DENND1B: variants seen among roughly 807,000 people sequenced by gnomAD.
DENND1B encodes the protein DENN domain containing 1B.
DENND1B carries 59 observed loss-of-function variants against 90.1 expected under a neutral mutation model. The ratio of observed to expected loss-of-function variants is 0.65; its 90% CI spans 0.53 to 0.81. The LOEUF (loss-of-function observed/expected upper bound fraction) is 0.81. DENND1B is among the 40% of genes least tolerant of loss of function. The pLI is 0.00. For missense variants in DENND1B, 862 were observed against 912.6 expected (o/e 0.94, Z 0.71); for synonymous variants, 337 against 324.6 (o/e 1.04, Z -0.41).
rs1030884759 is a variant in DENND1B, at chr1:197,670,023, G to C, written c.296+2014C>G. Among the ~76,000 whole-genome samples, 5 of 152,110 alleles carry C rather than the reference G, an allele frequency of 3.3e-5. No homozygotes were observed. In the South Asian group the frequency reaches 1.0e-3, roughly 32 times the overall value. Reference sequence around the variant, plus strand: ...CGCAGATAAAAATAATTTGATTATTGTATTTGCTTTAGAGTTTGTTTTCTA... The same window carrying C: ...CGCAGATAAAAATAATTTGATTATTCTATTTGCTTTAGAGTTTGTTTTCTA... On this transcript the variant is annotated intron_variant, in intron 5 of 22. Coordinates refer to ENST00000620048, the MANE Select transcript of DENND1B (RefSeq NM_001195215.2).
chr1:197,611,017 G>A (rs565673768), intron 12 of DENND1B, among the ~76,000 whole-genome samples: 1 of 150,812 alleles, frequency 6.6e-6, no homozygotes, highest in Non-Finnish European at 1.5e-5. Flanking sequence ...TGATCCTCAG[G>A]AGTTTTAAAA....
upstream of DENND1B, among the ~76,000 whole-genome samples, chr1:197,780,575 C>T (rs1264526970): frequency 1.3e-5 from 2 of 152,030 alleles, no homozygotes; most frequent in South Asian, 2.1e-4. Context: ...CCACCCACCT[C>T]GGCCTCCCAA....
intron 3 of DENND1B, 27 bp downstream of exon 3, chr1:197,715,004 T>A (rs1247708980): frequency 6.3e-7 from 1 of 1,581,964 alleles, no homozygotes; most frequent in South Asian, 1.1e-5. Context: ...CAACTTTAAA[T>A]TTTTTAAAAA....
intron 7 of DENND1B, among the ~76,000 whole-genome samples, chr1:197,648,472 CT>C (rs1267082322): frequency 6.6e-6 from 1 of 152,070 alleles, no homozygotes; most frequent in Non-Finnish European, 1.5e-5. Flanking sequence ...TTATTTACCC[CT>C]GAGCAAATAT....
At position 197,735,875 on chromosome 1, in the gene DENND1B, G is replaced by A. The variant is rs1662627165; in HGVS notation, c.83-20801C>T. On this transcript the variant is annotated intron_variant, in intron 2 of 22. Coordinates refer to ENST00000620048, the MANE Select transcript of DENND1B (RefSeq NM_001195215.2). Reference sequence around the variant, plus strand: ...CTTGCCGAGCAGTCAAATTGCAGGGGGCTATTACAGGTGCCTCTCCTGCTG... The same window carrying A: ...CTTGCCGAGCAGTCAAATTGCAGGGAGCTATTACAGGTGCCTCTCCTGCTG... 1.9e-6 allele frequency: 3 copies of A among 1,553,388 alleles called. No homozygotes were observed. In the East Asian group the frequency reaches 6.7e-5, roughly 35 times the overall value.
intron 10 of DENND1B, among the ~76,000 whole-genome samples, chr1:197,628,372 C>G (rs1678987391): frequency 6.6e-6 from 1 of 152,044 alleles, no homozygotes; most frequent in South Asian, 2.1e-4. Context: ...AATAACGCCG[C>G]ATAACTACAA....
chr1:197,649,022 G>A (rs558713052), intron 7 of DENND1B, among the ~76,000 whole-genome samples: 2 of 152,260 alleles, frequency 1.3e-5, no homozygotes, highest in South Asian at 4.1e-4. Context: ...AGCAGAGAGG[G>A]TCACAGGAAA....
In DENND1B at chr1:197,595,276, C is replaced by G. The variant is rs752996042; in HGVS notation, c.979G>C (p.Ala327Pro). 51 of 1,613,300 alleles carry G rather than the reference C, an allele frequency of 3.2e-5. No individual in the cohort carries two copies. The highest frequency in any genetic ancestry group is 4.0e-5 in the Non-Finnish European group (47 of 1,179,476). Residue 327 changes from alanine (A) to proline (P), a missense_variant, in exon 14 of 23, where the codon GCT (alanine) becomes CCT (proline). Coordinates refer to ENST00000620048, the MANE Select transcript of DENND1B (RefSeq NM_001195215.2). ...KQSTATGDGV[A>P]RAFLRAQAAL... is the part of the protein sequence containing the mutation. ...GCCTGTGCTCTAAGAAAGGCCCTAG[C>G]TACTCCATCACCCGTAGCTGTAGAC...
At chr1:197,642,655 G>A in intron 10 of DENND1B, 56 bp downstream of exon 10, 2 of 1,264,370 alleles carry the variant, frequency 1.6e-6, no homozygotes, top group South Asian at 1.3e-5. Flanking sequence ...AAGGTTTTTA[G>A]GTCTTTTTGT....
chr1:197,746,670 C>T (rs1347587823), intron 2 of DENND1B: 33 of 733,598 alleles, frequency 4.5e-5, no homozygotes, highest in Non-Finnish European at 7.8e-5. Flanking sequence ...AATTTTCTGA[C>T]ATATTTAACA....
chr1:197,756,705 A>G (rs1654349107), intron 2 of DENND1B, among the ~76,000 whole-genome samples: 1 of 151,806 alleles, frequency 6.6e-6, no homozygotes, highest in Admixed American at 6.6e-5. Flanking sequence ...AACTAATAAT[A>G]AATTTTATTC....
At chr1:197,771,641 A>T (rs1309209331) in intron 2 of DENND1B, among the ~76,000 whole-genome samples, 1 of 152,184 alleles carries the variant, frequency 6.6e-6, no homozygotes, top group Non-Finnish European at 1.5e-5. Flanking sequence ...TCTCTATTTT[A>T]AGGTGTGCAG....
chr1:197,622,080 C>T (rs1484347856), intron 10 of DENND1B, among the ~76,000 whole-genome samples: 1 of 151,300 alleles, frequency 6.6e-6, no homozygotes, highest in Non-Finnish European at 1.5e-5. Context: ...ACAGAGAAAC[C>T]TGACAGCAAA....
intron 6 of DENND1B, among the ~76,000 whole-genome samples, chr1:197,658,003 G>A (rs1344099560): frequency 6.6e-6 from 1 of 152,078 alleles, no homozygotes; most frequent in African/African-American, 2.4e-5. Flanking sequence ...GGCAAATAAG[G>A]ACAAATACTG....
Position 197,674,082 on chromosome 1 carries a change from A to G in DENND1B, c.176+38T>C, listed in dbSNP as rs577461257. On this transcript the variant is annotated intron_variant, in intron 4 of 22. Coordinates refer to ENST00000620048, the MANE Select transcript of DENND1B (RefSeq NM_001195215.2). ...TAATCATTTTCAAGTATGTACTATA[A>G]GAATCTACATTTATTTTAAATGATA... The G allele has an allele frequency of 7.8e-6, 11 of 1,418,878 alleles. No individual in the cohort carries two copies. In the African/African-American group the frequency reaches 1.6e-4, roughly 21 times the overall value. 87.9% of individuals were successfully genotyped at this position (1,418,878 alleles called of 1,614,324 possible).
chr1:197,612,119 C>A, intron 11 of DENND1B, 143 bp from the exon 12 acceptor site: 1 of 521,894 alleles, frequency 1.9e-6, no homozygotes, highest in Non-Finnish European at 3.2e-6. Flanking sequence ...CAAAATTATT[C>A]AATATATAAA....
At chr1:197,644,441 G>T (rs2125921511) in intron 9 of DENND1B, among the ~76,000 whole-genome samples, 1 of 152,172 alleles carries the variant, frequency 6.6e-6, no homozygotes, top group African/African-American at 2.4e-5. Flanking sequence ...TTGTTTGTTA[G>T]TAAACATAAG....
rs556151637 is a variant in DENND1B, at chr1:197,546,336, C to T, written c.1282-346G>A. Among the ~76,000 whole-genome samples, 214 of 152,142 alleles carry T rather than the reference C, an allele frequency of 1.4e-3. 3 individuals carry two copies. Among genetic ancestry groups the T allele is most frequent in the Middle Eastern group, 3.4e-3 (1 of 294 alleles). Reference sequence around the variant, plus strand: ...ACAAGTTTATCAGCTGTTTTAATATCGGGCAAATAAAGTCTCAGTCTGGGG... The same window carrying T: ...ACAAGTTTATCAGCTGTTTTAATATTGGGCAAATAAAGTCTCAGTCTGGGG... On this transcript the variant is annotated intron_variant, in intron 17 of 22. Transcript: ENST00000620048.
chr1:197,620,694 A>C (rs1558314668), intron 10 of DENND1B, among the ~76,000 whole-genome samples: 1 of 151,276 alleles, frequency 6.6e-6, no homozygotes, highest in Non-Finnish European at 1.5e-5. Context: ...TATTATAATA[A>C]TTTTTTTGCT....
Sources: gnomAD v4.1 joint callset for allele counts (sites outside exome capture counted in the v4.1 genomes callset) on GRCh38, gnomAD v4.1.1 for gene constraint, MANE v1.5 for transcripts, NCBI Gene and HGNC (gene_info 2026-07-23, HGNC 2026-07-21) for gene names.